The following PACRG variants were observed in gnomAD, a reference collection of about 807,000 sequenced individuals.
The protein encoded by PACRG is parkin coregulated gene protein.
A neutral mutation model predicts 29.7 loss-of-function variants in PACRG; 29 were observed. The observed-to-expected ratio is 0.98, with a 90% CI of 0.73 to 1.33. The LOEUF (loss-of-function observed/expected upper bound fraction) is 1.33. Ranked by LOEUF, PACRG falls within the 40% of genes most tolerant of loss-of-function variation. The pLI is 0.00. For missense variants in PACRG, 279 were observed against 316.2 expected, an observed-to-expected ratio of 0.88 and a Z score of 0.89; for synonymous variants, 116 against 118.7, an observed-to-expected ratio of 0.98 and a Z score of 0.15.
intron 2 of PACRG, among the ~76,000 whole-genome samples, chr6:162,829,676 C>T (rs923230501): frequency 6.6e-5 from 10 of 151,840 alleles, no homozygotes; most frequent in Middle Eastern, 3.2e-3. Context: ...GCCATTGGAA[C>T]GTTCAGCAAC....
chr6:163,243,119 G>A (rs527456987), intron 4 of PACRG, among the ~76,000 whole-genome samples: 1 of 152,330 alleles, frequency 6.6e-6, no homozygotes, highest in South Asian at 2.1e-4. Context: ...TGTAAGCAAG[G>A]CGTGGTCCAG....
intron 2 of PACRG, among the ~76,000 whole-genome samples, chr6:163,009,308 A>G (rs567846896): frequency 6.6e-6 from 1 of 152,338 alleles, no homozygotes; most frequent in South Asian, 2.1e-4. Context: ...AAGATAGCTC[A>G]AAGTTTTTCA....
intron 4 of PACRG, among the ~76,000 whole-genome samples, chr6:163,209,699 C>A (rs1266781977): frequency 1.3e-5 from 2 of 152,028 alleles, no homozygotes; most frequent in Non-Finnish European, 2.9e-5. Context: ...AATACCTGAA[C>A]AAGACAACAT....
At chr6:162,799,033 G>A (rs1785617905) in intron 1 of PACRG, among the ~76,000 whole-genome samples, 1 of 152,180 alleles carries the variant, frequency 6.6e-6, no homozygotes, top group African/African-American at 2.4e-5. Context: ...TTCTGGATTG[G>A]TGAATTGCGA....
intron 4 of PACRG, among the ~76,000 whole-genome samples, chr6:163,154,629 A>G (rs1778238072): frequency 6.6e-6 from 1 of 152,222 alleles, no homozygotes; most frequent in Admixed American, 6.5e-5. Flanking sequence ...CAGATTCACA[A>G]AGAAAAATAC....
intron 4 of PACRG, among the ~76,000 whole-genome samples, chr6:163,291,559 T>C (rs1784611943): frequency 6.6e-6 from 1 of 152,260 alleles, no homozygotes; most frequent in Admixed American, 6.5e-5. Context: ...TCTCTTCATA[T>C]TCCTTTTCCA....
At chr6:162,968,184 C>T (rs1801210993) in intron 2 of PACRG, among the ~76,000 whole-genome samples, 1 of 152,188 alleles carries the variant, frequency 6.6e-6, no homozygotes, top group Non-Finnish European at 1.5e-5. Flanking sequence ...CTCTCTTCCA[C>T]TGTGTTAGAA....
At chr6:162,902,231 G>A (rs931008660) in intron 2 of PACRG, among the ~76,000 whole-genome samples, 1 of 152,172 alleles carries the variant, frequency 6.6e-6, no homozygotes, top group Non-Finnish European at 1.5e-5. Context: ...CATGATCAGT[G>A]TTTTACATGT....
intron 2 of PACRG, among the ~76,000 whole-genome samples, chr6:162,945,248 T>C (rs2128123848): frequency 6.6e-6 from 1 of 152,218 alleles, no homozygotes; most frequent in South Asian, 2.1e-4. Context: ...CCCAACTGTA[T>C]GTTGCCTACA....
At chr6:162,978,756 A>G (rs1424925698) in intron 2 of PACRG, among the ~76,000 whole-genome samples, 2 of 152,226 alleles carry the variant, frequency 1.3e-5, no homozygotes, top group Middle Eastern at 3.2e-3. Flanking sequence ...AGCATGACAA[A>G]TTAAACACAG....
intron 2 of PACRG, among the ~76,000 whole-genome samples, chr6:162,830,622 C>T (rs554706166): frequency 2.6e-5 from 4 of 152,352 alleles, no homozygotes; most frequent in African/African-American, 4.8e-5. Context: ...CTGTGGCTCT[C>T]GCTACCATCC....
rs141437021 is a variant in PACRG, at chr6:162,816,796, C to T, written c.291+2515C>T. On this transcript the variant is annotated intron_variant, in intron 2 of 4. Transcript: ENST00000366888. ...AGGATGCCATTCTTAAGGAAGAACTCTTGAGTGTTGAAGGAAGCAGGGCGA... is the reference window on the plus strand; with the variant it reads ...AGGATGCCATTCTTAAGGAAGAACTTTTGAGTGTTGAAGGAAGCAGGGCGA... Among the ~76,000 whole-genome samples, 472 of 152,278 alleles carry T rather than the reference C, an allele frequency of 3.1e-3. 3 individuals are homozygous for T. Among genetic ancestry groups the T allele is most frequent in the African/African-American group, 0.011 (445 of 41,554 alleles).
intron 3 of PACRG, among the ~76,000 whole-genome samples, chr6:163,063,454 G>T (rs181139948): frequency 6.6e-6 from 1 of 152,294 alleles, no homozygotes; most frequent in East Asian, 1.9e-4. Flanking sequence ...AGCTCTTGCC[G>T]TGTGCTTTCA....
intron 4 of PACRG, among the ~76,000 whole-genome samples, chr6:163,228,652 C>T (rs551626819): frequency 1.6e-4 from 25 of 152,214 alleles, no homozygotes; most frequent in Non-Finnish European, 2.8e-4. Flanking sequence ...AGTAAAGGAA[C>T]GATGGTGAAC....
intron 1 of PACRG, among the ~76,000 whole-genome samples, chr6:162,793,469 T>C (rs550975095): frequency 6.6e-6 from 1 of 152,196 alleles, no homozygotes; most frequent in Non-Finnish European, 1.5e-5. Flanking sequence ...CCCATATCTT[T>C]TGCATCTTTC....
At chr6:162,865,981 T>C (rs534061378) in intron 2 of PACRG, among the ~76,000 whole-genome samples, 5 of 152,312 alleles carry the variant, frequency 3.3e-5, no homozygotes, top group African/African-American at 9.6e-5. Flanking sequence ...ACCCATGTTT[T>C]CTAATGCATG....
intron 4 of PACRG, among the ~76,000 whole-genome samples, chr6:163,260,295 C>A (rs908645667): frequency 1.3e-5 from 2 of 152,328 alleles, no homozygotes; most frequent in Non-Finnish European, 2.9e-5. Context: ...TCATTTCCTG[C>A]GAGGGGAGCT....
At chr6:162,904,087 C>G (rs891454664) in intron 2 of PACRG, among the ~76,000 whole-genome samples, 1 of 152,156 alleles carries the variant, frequency 6.6e-6, no homozygotes, top group African/African-American at 2.4e-5. Context: ...TATGTTACAG[C>G]CTTGAAGCTA....
At chr6:163,248,400 TGCGGGG>T (rs2128171146) in intron 4 of PACRG, among the ~76,000 whole-genome samples, 1 of 147,504 alleles carries the variant, frequency 6.8e-6, no homozygotes, top group Non-Finnish European at 1.5e-5. Context: ...AGTGTTGGTT[TGCGGGG>T]CAAGAGGGGA....
Sources: gnomAD v4.1 joint callset for allele counts (sites outside exome capture counted in the v4.1 genomes callset) on GRCh38, gnomAD v4.1.1 for gene constraint, MANE v1.5 for transcripts, NCBI Gene and HGNC (gene_info 2026-07-23, HGNC 2026-07-21) for gene names.